Variants in PDGFD observed in about 807,000 individuals in gnomAD.
PDGFD encodes platelet derived growth factor D.
PDGFD carries 30 observed loss-of-function variants against 44.7 expected under a neutral mutation model. The ratio of observed to expected loss-of-function variants is 0.67; its 90% CI spans 0.50 to 0.91. PDGFD has a LOEUF of 0.91. Among genes scored for constraint, PDGFD ranks in the 40% least tolerant of loss-of-function variants. PDGFD has a pLI of 0.00. For synonymous variants in PDGFD, 173 were observed against 168.4 expected (o/e 1.03, Z -0.21); for missense variants, 445 against 457.8 (o/e 0.97, Z 0.25).
intron 3 of PDGFD, among the ~76,000 whole-genome samples, chr11:103,957,348 C>A (rs898846893): frequency 1.3e-5 from 2 of 152,042 alleles, no homozygotes; most frequent in Non-Finnish European, 2.9e-5. Context: ...ACTTTCTTCA[C>A]AGAATTGGAA....
intron 1 of PDGFD, among the ~76,000 whole-genome samples, chr11:104,000,643 AC>A (rs1859606359): frequency 6.6e-6 from 1 of 152,050 alleles, no homozygotes; most frequent in African/African-American, 2.4e-5. Context: ...TCACAAATCC[AC>A]CCTTGATGTC....
intron 3 of PDGFD, among the ~76,000 whole-genome samples, chr11:103,964,124 C>T (rs1003143930): frequency 1.3e-5 from 2 of 152,116 alleles, no homozygotes; most frequent in South Asian, 4.1e-4. Flanking sequence ...CTTTGACCAA[C>T]ACAATGTAAG....
chr11:104,073,204 A>G (rs150523294), intron 1 of PDGFD, among the ~76,000 whole-genome samples: 1 of 152,244 alleles, frequency 6.6e-6, no homozygotes, highest in East Asian at 1.9e-4. Context: ...AGTTCATGCT[A>G]CCAATTTTCT....
chr11:104,132,380 T>C (rs533708892), intron 1 of PDGFD, among the ~76,000 whole-genome samples: 5 of 152,122 alleles, frequency 3.3e-5, no homozygotes, highest in Non-Finnish European at 1.5e-5. Flanking sequence ...TTTTCTGCTC[T>C]GTACAGAGAT....
intron 3 of PDGFD, among the ~76,000 whole-genome samples, chr11:103,977,066 C>T (rs1219314598): frequency 1.3e-5 from 2 of 152,080 alleles, no homozygotes; most frequent in African/African-American, 4.8e-5. Context: ...AAAAACACCT[C>T]TACGCAAATA....
rs116291775 is a variant in PDGFD, at chr11:103,975,664, T to C, written c.510+20401A>G. Among the ~76,000 whole-genome samples, 1,474 of 152,288 alleles carry C rather than the reference T, an allele frequency of 9.7e-3. 32 individuals are homozygous for C. The highest frequency in any genetic ancestry group is 0.034 in the African/African-American group (1,402 of 41,566). On this transcript the variant is annotated intron_variant, in intron 3 of 6. Transcript: ENST00000393158. The stretch of plus-strand genomic sequence containing the variant: ...AAGTCTTTAACCCATCTTGAGTTAA[T>C]TTTGTATAAGGTATATGGAAGGGGT...
chr11:104,161,950 A>AGTGTGTGTGT lies in PDGFD; in HGVS notation c.124+1844_124+1853dup, dbSNP rs3050634. 1.6e-3 allele frequency among the ~76,000 whole-genome samples: 240 copies of AGTGTGTGTGT among 149,014 alleles called. 3 individuals carry two copies. Among genetic ancestry groups the AGTGTGTGTGT allele is most frequent in the African/African-American group, 5.4e-3 (221 of 40,654 alleles). On this transcript the variant is annotated intron_variant, in intron 1 of 6. Coordinates refer to ENST00000393158, the MANE Select transcript of PDGFD (RefSeq NM_025208.5). ...TGAGCAATCAGAACTAATCAAAGAG[A>AGTGTGTGTGT]GTGTGTGTGTGTGTGTGTGTGTGTG...
chr11:103,932,005 GC>G (rs1173864095), intron 5 of PDGFD, among the ~76,000 whole-genome samples: 5 of 152,016 alleles, frequency 3.3e-5, no homozygotes, highest in African/African-American at 1.2e-4. Flanking sequence ...TGGCATCTCA[GC>G]TTGCTATATT....
At chr11:104,024,949 G>C (rs1860020575) in intron 1 of PDGFD, among the ~76,000 whole-genome samples, 1 of 152,174 alleles carries the variant, frequency 6.6e-6, no homozygotes, top group Non-Finnish European at 1.5e-5. Flanking sequence ...ATAAGTGATT[G>C]ATACTTTAGA....
intron 1 of PDGFD, among the ~76,000 whole-genome samples, chr11:104,147,002 T>TAA (rs10700137): frequency 0.24 from 31,562 of 133,496 alleles, 3,498 homozygotes; most frequent in Middle Eastern, 0.36. Context: ...CGGGGCATAC[T>TAA]AAAAAAAAAA....
chr11:104,115,095 T>C (rs1256652277), intron 1 of PDGFD, among the ~76,000 whole-genome samples: 2 of 151,770 alleles, frequency 1.3e-5, no homozygotes, highest in Admixed American at 6.6e-5. Flanking sequence ...GTCATTCTTA[T>C]GCTTTACATC....
In PDGFD at chr11:104,163,896, A is replaced by T. The variant is rs1862426909; in HGVS notation, c.32T>A (p.Ile11Asn). Residue 11 changes from isoleucine (I) to asparagine (N), a missense_variant, in exon 1 of 7, where the codon ATC becomes AAC. Transcript: ENST00000393158. ...CCGACAGCTGCAAAAGTTTGCGCAG[A>T]TTAGAGTGTAGACAAAGATGAGCCG... MHRLIFVYTL[I>N]CANFCSCRDT... 6 of 1,566,478 alleles carry T rather than the reference A, an allele frequency of 3.8e-6. No homozygotes were observed. Among genetic ancestry groups the T allele is most frequent in the Non-Finnish European group, 5.2e-6 (6 of 1,145,484 alleles).
At chr11:104,161,409 T>G (rs546015144) in intron 1 of PDGFD, among the ~76,000 whole-genome samples, 1 of 152,314 alleles carries the variant, frequency 6.6e-6, no homozygotes, top group African/African-American at 2.4e-5. Context: ...GAACAAGGTT[T>G]TAATTTAATA....
chr11:103,967,952 C>A (rs776664478), intron 3 of PDGFD, among the ~76,000 whole-genome samples: 3 of 152,122 alleles, frequency 2.0e-5, no homozygotes, highest in Non-Finnish European at 4.4e-5. Context: ...ACTCTTCATC[C>A]CATGGCAGCC....
rs148921631 is a variant in PDGFD at position 104,043,013 on chromosome 11, C to A, written c.125-42758G>T. Among the ~76,000 whole-genome samples, 1,196 of 151,950 alleles carry A rather than the reference C, an allele frequency of 7.9e-3. 15 individuals carry two copies. Among genetic ancestry groups the A allele is most frequent in the African/African-American group, 0.027 (1,126 of 41,434 alleles). ...ATTTTTTCAAAAGTTATGTCATTGG[C>A]CAATATCATGCAGAGAGATGAAGAA... On this transcript the variant is annotated intron_variant, in intron 1 of 6. Coordinates refer to ENST00000393158, the MANE Select transcript of PDGFD (RefSeq NM_025208.5).
intron 1 of PDGFD, among the ~76,000 whole-genome samples, chr11:104,011,638 C>T (rs1159219238): frequency 6.6e-6 from 1 of 151,980 alleles, no homozygotes; most frequent in Non-Finnish European, 1.5e-5. Context: ...AACTGTTCAT[C>T]TGATTTCAAC....
Position 104,089,589 on chromosome 11 carries a change from C to G in PDGFD, c.124+74215G>C, listed in dbSNP as rs553221258. Among the ~76,000 whole-genome samples, 5 of 152,172 alleles carry G rather than the reference C, an allele frequency of 3.3e-5. No homozygotes were observed. The South Asian group carries it at 1.0e-3, about 32-fold the overall frequency. On this transcript the variant is annotated intron_variant, in intron 1 of 6. Transcript: ENST00000393158. ...AATTTAGAGTTTACCAACGCTAATA[C>G]AAGAATTATATCAATTGATCTTGAT...
At chr11:104,049,918 G>A (rs1185227813) in intron 1 of PDGFD, among the ~76,000 whole-genome samples, 1 of 152,142 alleles carries the variant, frequency 6.6e-6, no homozygotes, top group Non-Finnish European at 1.5e-5. Flanking sequence ...ATTGGAGGAG[G>A]TGGGAGAGCA....
intron 3 of PDGFD, among the ~76,000 whole-genome samples, chr11:103,949,048 G>A (rs867354714): frequency 1.4e-4 from 19 of 140,460 alleles, no homozygotes; most frequent in Non-Finnish European, 2.0e-4. Flanking sequence ...TGTCACCCAG[G>A]CTGGTGTGCA....
Sources: gnomAD v4.1 joint callset for allele counts (sites outside exome capture counted in the v4.1 genomes callset) on GRCh38, gnomAD v4.1.1 for gene constraint, MANE v1.5 for transcripts, NCBI Gene and HGNC (gene_info 2026-07-23, HGNC 2026-07-21) for gene names.